Variants in ATRX observed in about 807,000 individuals in gnomAD.
The protein encoded by ATRX is chromatin remodeler ATRX.
Under a neutral mutation model 172.6 loss-of-function variants are expected in ATRX, and 12 were observed. The ratio of observed to expected loss-of-function variants is 0.07; its 90% confidence interval spans 0.04 to 0.11. The LOEUF is 0.11. Among genes scored for constraint, ATRX ranks in the 10% least tolerant of loss-of-function variants. ATRX has a pLI of 1.00. For synonymous variants in ATRX, 674 were observed against 594.7 expected, an observed-to-expected ratio of 1.13 and a Z score of -1.94; for missense variants, 1,368 against 1,767.4, an observed-to-expected ratio of 0.77 and a Z score of 4.05.
At chrX:77,748,390 G>A (rs782010187) in intron 1 of ATRX, among the ~76,000 whole-genome samples, 2 of 110,849 alleles carry the variant, frequency 1.8e-5, no homozygotes, top group South Asian at 7.6e-4. Context: ...GGGCTGGGGG[G>A]TGGTAAGCTG....
intron 1 of ATRX, among the ~76,000 whole-genome samples, chrX:77,762,999 TTA>T (rs1391001378): frequency 4.5e-5 from 5 of 111,193 alleles, no homozygotes; most frequent in African/African-American, 1.6e-4. Context: ...TACAATATGA[TTA>T]TGTTTGGAAA....
intron 30 of ATRX, among the ~76,000 whole-genome samples, chrX:77,544,742 T>C (rs1320930617): frequency 9.0e-6 from 1 of 110,828 alleles, no homozygotes; most frequent in Non-Finnish European, 1.9e-5. Context: ...ACAAAGGACA[T>C]GAACTCATCA....
chrX:77,785,353 CT>C (rs1351837000), intron 1 of ATRX, among the ~76,000 whole-genome samples: 1 of 110,368 alleles, frequency 9.1e-6, no homozygotes, highest in African/African-American at 3.3e-5. Context: ...TAAGTCCCCC[CT>C]CGCCTAGAAA....
rs781888735 is a variant in ATRX at position 77,706,630 on chromosome X, G to GCAGT, written c.134-8005_134-8002dup. On this transcript the variant is annotated intron_variant, in intron 2 of 34. Transcript: ENST00000373344. ...TCAATTAAAGACAACCCAACTGGGT[G>GCAGT]CAGTGTCTCACGCCTGTAATCCCAG... Among the ~76,000 whole-genome samples, 65 of 111,400 alleles carry GCAGT rather than the reference G, an allele frequency of 5.8e-4. 2 individuals are homozygous for GCAGT. In the East Asian group the frequency reaches 0.017, roughly 30 times the overall value.
rs372327867 is a variant in ATRX, at chrX:77,525,561, A to G, written c.6700-2160T>C. On this transcript the variant is annotated intron_variant, in intron 30 of 34. Coordinates refer to ENST00000373344, the MANE Select transcript of ATRX (RefSeq NM_000489.6). ...ATCTCTAATTTTACTTCTGTCTAGCAATAAATGATCTTAATCATAGTCAGA... is the reference window on the plus strand; with the variant it reads ...ATCTCTAATTTTACTTCTGTCTAGCGATAAATGATCTTAATCATAGTCAGA... Among the ~76,000 whole-genome samples the G allele has an allele frequency of 9.0e-4, 101 of 112,843 alleles. 2 individuals carry two copies. The South Asian group carries it at 0.037, about 41-fold the overall frequency.
intron 22 of ATRX, among the ~76,000 whole-genome samples, chrX:77,605,481 A>T (rs782470776): frequency 6.3e-5 from 7 of 110,943 alleles, no homozygotes; most frequent in Non-Finnish European, 1.3e-4. Flanking sequence ...AAAAAGAAAT[A>T]AGTAGTAATA....
chrX:77,687,229 A>G (rs2071630247), intron 7 of ATRX, among the ~76,000 whole-genome samples: 1 of 109,875 alleles, frequency 9.1e-6, no homozygotes, highest in South Asian at 3.9e-4. Context: ...ACATCTAGCT[A>G]CTAAAGCTCT....
intron 1 of ATRX, among the ~76,000 whole-genome samples, chrX:77,732,145 C>A (rs2074324249): frequency 8.9e-6 from 1 of 111,778 alleles, no homozygotes; most frequent in African/African-American, 3.3e-5. Context: ...CACAGGCCTG[C>A]TCCTGCTGGT....
intron 34 of ATRX, among the ~76,000 whole-genome samples, chrX:77,510,781 G>C (rs934335425): frequency 8.9e-6 from 1 of 112,344 alleles, no homozygotes; most frequent in African/African-American, 3.2e-5. Context: ...AAGTAGAATA[G>C]AGCTCCAGGC....
At chrX:77,746,285 C>T (rs1378668778) in intron 1 of ATRX, among the ~76,000 whole-genome samples, 1 of 110,497 alleles carries the variant, frequency 9.1e-6, no homozygotes, top group Non-Finnish European at 1.9e-5. Context: ...CACAAGTACC[C>T]CCGTAAATTT....
rs145850132 is a variant in ATRX, at chrX:77,727,454, G to A, written c.21-10211C>T. 7.7e-4 allele frequency among the ~76,000 whole-genome samples: 86 copies of A among 111,403 alleles called. 1 individual carries two copies. Among genetic ancestry groups the A allele is most frequent in the Non-Finnish European group, 9.6e-4 (51 of 53,080 alleles). On this transcript the variant is annotated intron_variant, in intron 1 of 34. Transcript: ENST00000373344. The stretch of plus-strand genomic sequence containing the variant: ...CCAAATACCTATCAATGGTACACTG[G>A]ATAAAGAAAATGTGGCACCTATACA...
At chrX:77,574,585 C>A (rs952929682) in intron 27 of ATRX, among the ~76,000 whole-genome samples, 1 of 111,671 alleles carries the variant, frequency 9.0e-6, no homozygotes, top group Non-Finnish European at 1.9e-5. Context: ...ATTTTTAAAG[C>A]CTATTTCATC....
In ATRX at chrX:77,506,527, G is replaced by A; in HGVS notation, c.*1824C>T. The A allele has an allele frequency of 5.7e-6, 1 of 175,131 alleles. No individual in the cohort carries two copies. Among genetic ancestry groups the A allele is most frequent in the Non-Finnish European group, 1.1e-5 (1 of 91,270 alleles). 14.4% of individuals were successfully genotyped at this position (175,131 alleles called of 1,213,427 possible). ...TTCTGAACTTGTAGAAATACCAACT[G>A]GTAACAGTTGGCCAGAGTGTACTGC... is the stretch of plus-strand genomic sequence containing the variant. On this transcript the variant is annotated 3_prime_UTR_variant, in exon 35 of 35. Transcript: ENST00000373344.
intron 27 of ATRX, among the ~76,000 whole-genome samples, chrX:77,574,687 T>C (rs1164006067): frequency 4.5e-5 from 5 of 111,704 alleles, no homozygotes; most frequent in African/African-American, 1.6e-4. Context: ...TCATGAGGCA[T>C]GTTTTAAGTT....
intron 34 of ATRX, among the ~76,000 whole-genome samples, chrX:77,519,472 C>T (rs1557040384): frequency 1.8e-5 from 2 of 111,186 alleles, no homozygotes; most frequent in Admixed American, 9.6e-5. Context: ...TGGTCACTCA[C>T]GCCTGTAATC....
At chrX:77,650,676 C>T (rs1603074905) in intron 15 of ATRX, among the ~76,000 whole-genome samples, 1 of 110,654 alleles carries the variant, frequency 9.0e-6, no homozygotes, top group East Asian at 2.9e-4. Context: ...GCTCTGCCTC[C>T]CAGGTTCAAG....
chrX:77,770,274 T>C (rs1284780395), intron 1 of ATRX, among the ~76,000 whole-genome samples: 1 of 109,086 alleles, frequency 9.2e-6, no homozygotes, highest in Non-Finnish European at 1.9e-5. Context: ...GGCTAATTTA[T>C]GTATTTTTTT....
chrX:77,658,218 A>C (rs1383541461), intron 12 of ATRX, among the ~76,000 whole-genome samples: 2 of 112,296 alleles, frequency 1.8e-5, no homozygotes, highest in African/African-American at 6.5e-5. Context: ...CTCAAAAAAA[A>C]AGACATACTG....
intron 27 of ATRX, among the ~76,000 whole-genome samples, chrX:77,574,746 A>T (rs782737469): frequency 2.1e-4 from 24 of 111,823 alleles, no homozygotes; most frequent in Non-Finnish European, 4.0e-4. Flanking sequence ...CTTGATAATG[A>T]TCAAATAAAA....
Sources: allele counts gnomAD v4.1 joint callset (sites outside exome capture counted in the v4.1 genomes callset), GRCh38; gene constraint gnomAD v4.1.1; transcripts MANE v1.5; gene names NCBI Gene and HGNC (gene_info 2026-07-23, HGNC 2026-07-21).